SUPT20H: variants seen among roughly 807,000 people sequenced by gnomAD.
SUPT20H encodes SPT20 homolog, SAGA complex component.
Under a neutral mutation model 122.8 loss-of-function variants are expected in SUPT20H, and 82 were observed. The observed-to-expected ratio is 0.67, with a 90% CI of 0.56 to 0.80. The LOEUF (loss-of-function observed/expected upper bound fraction) is 0.80. SUPT20H is among the 30% of genes least tolerant of loss of function. SUPT20H has a pLI of 0.00. For missense variants in SUPT20H, 831 were observed against 921.6 expected, an observed-to-expected ratio of 0.90 and a Z score of 1.27; for synonymous variants, 291 against 313.0, an observed-to-expected ratio of 0.93 and a Z score of 0.74.
At position 37,049,341 on chromosome 13, in the gene SUPT20H, A is replaced by G. The variant is rs532907441; in HGVS notation, c.4-742T>C. Among the ~76,000 whole-genome samples the G allele has an allele frequency of 6.6e-5, 10 of 152,306 alleles. No individual in the cohort carries two copies. The South Asian group carries it at 2.1e-3, about 32-fold the overall frequency. On this transcript the variant is annotated intron_variant, in intron 2 of 25. Transcript: ENST00000350612. Reference sequence around the variant, plus strand: ...TCTACTAGTAGATCCCTATCCGTTCATTTTTTAGAGACGAGGAAAAAACAT... The same window carrying G: ...TCTACTAGTAGATCCCTATCCGTTCGTTTTTTAGAGACGAGGAAAAAACAT...
chr13:37,026,378 T>C (rs556874917), intron 15 of SUPT20H, 142 bp from the exon 16 acceptor site: 1 of 519,720 alleles, frequency 1.9e-6, no homozygotes, highest in African/African-American at 2.0e-5. Context: ...ATGAAAAAAA[T>C]TTTTTTAATG....
At position 37,009,356 on chromosome 13, in the gene SUPT20H, A is replaced by G; in HGVS notation, c.*316T>C. 1.0e-6 allele frequency: 1 copy of G among 981,994 alleles called. No homozygotes were observed. The highest frequency in any genetic ancestry group is 1.6e-6 in the Non-Finnish European group (1 of 633,758). 60.8% of individuals were successfully genotyped at this position (981,994 alleles called of 1,614,324 possible). On this transcript the variant is annotated 3_prime_UTR_variant, in exon 26 of 26. Transcript: ENST00000350612. ...AAAATTGTATTTGTTAACACTGTGCACAAACGTTTTATACTAAATAAATAT... is the reference window on the plus strand; with the variant it reads ...AAAATTGTATTTGTTAACACTGTGCGCAAACGTTTTATACTAAATAAATAT...
At chr13:37,034,413 T>C (rs1454898321) in intron 9 of SUPT20H, among the ~76,000 whole-genome samples, 1 of 152,256 alleles carries the variant, frequency 6.6e-6, no homozygotes, top group East Asian at 1.9e-4. Context: ...ATGGTCTGGA[T>C]AGAAGATCAA....
At chr13:37,029,906 G>A in intron 12 of SUPT20H, 70 bp from the exon 13 acceptor site, 1 of 1,235,570 alleles carries the variant, frequency 8.1e-7, no homozygotes, top group Non-Finnish European at 1.1e-6. Flanking sequence ...TCAGTATTCT[G>A]ATCAAAGAGA....
chr13:37,044,125 C>T lies in SUPT20H; in HGVS notation c.349G>A (p.Ala117Thr). 6.2e-7 allele frequency: 1 copy of T among 1,612,952 alleles called. No homozygotes were observed. Among genetic ancestry groups the T allele is most frequent in the South Asian group, 1.1e-5 (1 of 90,872 alleles). The change falls in exon 7 of 26, where the codon GCA becomes ACA. Residue 117 changes from alanine to threonine, a missense_variant. Transcript: ENST00000350612. ...ACCAAAATAGGAGGTAATTCTTCTG[C>T]ATCCAAATATTCAAGCAACTCTCCT... ...EEGELLEYLD[A>T]EELPPILVDL...
rs545068648 is a variant in SUPT20H, at chr13:37,036,371, T to C, written c.568-2783A>G. Among the ~76,000 whole-genome samples the C allele has an allele frequency of 1.4e-3, 213 of 151,024 alleles. 2 individuals are homozygous for C. The highest frequency in any genetic ancestry group is 4.3e-3 in the African/African-American group (179 of 41,312). On this transcript the variant is annotated intron_variant, in intron 9 of 25. Coordinates refer to ENST00000350612, the MANE Select transcript of SUPT20H (RefSeq NM_001014286.3). ...GACGGAGTCTTGCTCTGTCGCCAGG[T>C]TGGAGTGCAGTGGTGCGATCTCAGC...
intron 9 of SUPT20H, among the ~76,000 whole-genome samples, chr13:37,037,519 C>T (rs2064709692): frequency 6.6e-6 from 1 of 152,184 alleles, no homozygotes; most frequent in Non-Finnish European, 1.5e-5. Context: ...CTCATTAATT[C>T]AAGAAACTAT....
At chr13:37,017,187 T>C (rs2060655793) in intron 23 of SUPT20H, 58 bp downstream of exon 23, 2 of 1,611,002 alleles carry the variant, frequency 1.2e-6, no homozygotes, top group South Asian at 1.1e-5. Context: ...GCTTGGAATA[T>C]ACCAAAAAAT....
At chr13:37,048,066 G>A (rs2066859013) in intron 3 of SUPT20H, 130 bp from the exon 4 acceptor site, 2 of 520,168 alleles carry the variant, frequency 3.8e-6, no homozygotes, top group Non-Finnish European at 6.3e-6. Flanking sequence ...ACATCTTGTA[G>A]GAAAAACTAC....
chr13:37,024,294 A>G, intron 18 of SUPT20H, 46 bp downstream of exon 18: 1 of 1,524,502 alleles, frequency 6.6e-7, no homozygotes, highest in East Asian at 2.3e-5. Context: ...TTATGATTAT[A>G]TAATATTTGT....
intron 19 of SUPT20H, 24 bp downstream of exon 19, chr13:37,024,011 T>G (rs1417166843): frequency 6.3e-7 from 1 of 1,584,968 alleles, no homozygotes; most frequent in Admixed American, 1.9e-5. Flanking sequence ...GAAGATTTAA[T>G]GAAGAATTTA....
At position 37,019,264 on chromosome 13, in the gene SUPT20H, G is replaced by T. The variant is rs912211876; in HGVS notation, c.1872+78C>A. The stretch of plus-strand genomic sequence containing the variant: ...AACAGACCTCAGAATTTCAAGTGCT[G>T]ATACATATAGATATACATTGTTTAG... On this transcript the variant is annotated intron_variant, in intron 22 of 25. Coordinates refer to ENST00000350612, the MANE Select transcript of SUPT20H (RefSeq NM_001014286.3). 10 of 1,053,508 alleles carry T rather than the reference G, an allele frequency of 9.5e-6. No individual in the cohort carries two copies. The African/African-American group carries it at 1.5e-4, about 16-fold the overall frequency. 65.3% of individuals were successfully genotyped at this position (1,053,508 alleles called of 1,614,324 possible).
chr13:37,009,935 T>C, intron 25 of SUPT20H, 126 bp from the exon 26 acceptor site: 1 of 1,317,700 alleles, frequency 7.6e-7, no homozygotes, highest in Non-Finnish European at 1.0e-6. Context: ...AAAAAGGGAC[T>C]ATACCACATT....
chr13:37,022,435 C>A lies in SUPT20H; in HGVS notation c.1592-355G>T. 1 of 1,293,762 alleles carries A rather than the reference C, an allele frequency of 7.7e-7. No individual in the cohort carries two copies. The highest frequency in any genetic ancestry group is 2.8e-5 in the South Asian group (1 of 35,890). The allele number at this position is 1,293,762 out of a possible 1,614,324, so 80.1% of individuals were successfully genotyped here. ...TTTGTTCTAGTTTTTTTTTTTTTAG[C>A]AGTTAACTGCAAGTGTTAATTTCTA... On this transcript the variant is annotated intron_variant, in intron 19 of 25. Transcript: ENST00000350612. The surrounding 1 kb of genome is among the most constrained non-coding windows in gnomAD (Gnocchi z 4.5).
At chr13:37,029,637 T>A (rs1343112337) in intron 13 of SUPT20H, 128 bp downstream of exon 13, 3 of 689,208 alleles carry the variant, frequency 4.4e-6, no homozygotes, top group Non-Finnish European at 7.2e-6. Flanking sequence ...TAAACTGAAC[T>A]CGCAGAAACT....
chr13:37,045,525 G>A, intron 5 of SUPT20H, 152 bp from the exon 6 acceptor site: 1 of 936,744 alleles, frequency 1.1e-6, no homozygotes, highest in Non-Finnish European at 1.6e-6. Context: ...CAAAACTATA[G>A]CCACTACGTA....
intron 5 of SUPT20H, among the ~76,000 whole-genome samples, chr13:37,046,475 T>C (rs2066454580): frequency 2.0e-5 from 3 of 152,202 alleles, no homozygotes; most frequent in Admixed American, 1.3e-4. Context: ...AAATAGTTTG[T>C]GCTGCAATAC....
chr13:37,034,195 A>G (rs2063920882), intron 9 of SUPT20H, among the ~76,000 whole-genome samples: 1 of 152,194 alleles, frequency 6.6e-6, no homozygotes, highest in Non-Finnish European at 1.5e-5. Context: ...CTCATTTTAA[A>G]TCCAAAGCTA....
chr13:37,014,281 A>G (rs2060072684), intron 23 of SUPT20H, among the ~76,000 whole-genome samples: 1 of 152,120 alleles, frequency 6.6e-6, no homozygotes, highest in African/African-American at 2.4e-5. Flanking sequence ...GCAAAAGGAA[A>G]AATAGAAATT....
Sources: allele counts gnomAD v4.1 joint callset (sites outside exome capture counted in the v4.1 genomes callset), GRCh38; gene constraint gnomAD v4.1.1; non-coding constraint Gnocchi (gnomAD v3.1); transcripts MANE v1.5; gene names NCBI Gene and HGNC (gene_info 2026-07-23, HGNC 2026-07-21).